The following ARHGAP15 variants were observed in gnomAD, a reference collection of about 807,000 sequenced individuals.
ARHGAP15 encodes Rho GTPase activating protein 15.
A neutral mutation model predicts 63.7 loss-of-function variants in ARHGAP15; 51 were observed. The ratio of observed to expected loss-of-function variants is 0.80; its 90% CI spans 0.64 to 1.01. The LOEUF is 1.01. ARHGAP15 is among the 50% of genes least tolerant of loss of function. The probability of loss-of-function intolerance (pLI) is 0.00; values close to 1 mark genes in which losing one functional copy is unlikely to be tolerated. For missense variants in ARHGAP15, 560 were observed against 564.6 expected (o/e 0.99, Z 0.08); for synonymous variants, 191 against 193.8 (o/e 0.99, Z 0.12).
intron 12 of ARHGAP15, among the ~76,000 whole-genome samples, chr2:143,661,895 C>G (rs1318487771): frequency 6.6e-6 from 1 of 152,262 alleles, no homozygotes; most frequent in Non-Finnish European, 1.5e-5. Context: ...GAGATTATAT[C>G]CCGCACCTGG....
chr2:143,153,812 CTTCTTCTTCTTCTTCTTCTTCTTCT>C (rs1689941796), intron 1 of ARHGAP15, among the ~76,000 whole-genome samples: 1 of 75,810 alleles, frequency 1.3e-5, no homozygotes, highest in East Asian at 4.7e-4. Context: ...TCTTCTTCTT[CTTCTTCTTCTTCTTCTTCTTCTTCT>C]TCTTCTTCCT....
chr2:143,200,058 T>C (rs1308363126), intron 2 of ARHGAP15, among the ~76,000 whole-genome samples: 1 of 152,068 alleles, frequency 6.6e-6, no homozygotes, highest in Non-Finnish European at 1.5e-5. Context: ...GAAAAATAGG[T>C]AAACAGCCAA....
intron 5 of ARHGAP15, chr2:143,247,447 G>A (rs576683150): frequency 2.6e-5 from 4 of 152,364 alleles, no homozygotes; most frequent in African/African-American, 9.6e-5. Flanking sequence ...TGCTGGCTCT[G>A]GGTCTCGTCT....
intron 6 of ARHGAP15, among the ~76,000 whole-genome samples, chr2:143,338,042 C>A (rs4622650): frequency 0.98 from 149,829 of 152,304 alleles, 73,755 homozygotes; most frequent in Middle Eastern, 1. Flanking sequence ...CTTACTGAGC[C>A]CTTAAGATAT....
chr2:143,303,752 A>G (rs1683029156), intron 6 of ARHGAP15, among the ~76,000 whole-genome samples: 1 of 152,138 alleles, frequency 6.6e-6, no homozygotes, highest in African/African-American at 2.4e-5. Flanking sequence ...AAAGAACTCA[A>G]ACAAATTTAC....
intron 6 of ARHGAP15, among the ~76,000 whole-genome samples, chr2:143,263,841 G>A (rs1207503724): frequency 6.8e-6 from 1 of 147,248 alleles, no homozygotes; most frequent in Non-Finnish European, 1.5e-5. Flanking sequence ...TCTCTGTCCT[G>A]TGGGAGGATT....
chr2:143,286,019 AAAG>A (rs748929940), intron 6 of ARHGAP15, among the ~76,000 whole-genome samples: 21 of 152,246 alleles, frequency 1.4e-4, no homozygotes, highest in Non-Finnish European at 2.6e-4. Context: ...CAAAATTATG[AAAG>A]AAGAAAATGT....
intron 13 of ARHGAP15, among the ~76,000 whole-genome samples, chr2:143,734,335 C>T (rs546707254): frequency 1.3e-5 from 2 of 152,230 alleles, no homozygotes; most frequent in African/African-American, 4.8e-5. Flanking sequence ...TTCCTGTGTC[C>T]TGTTGGTCTG....
chr2:143,352,120 T>A (rs1480602056), intron 6 of ARHGAP15, among the ~76,000 whole-genome samples: 2 of 152,200 alleles, frequency 1.3e-5, no homozygotes, highest in East Asian at 3.8e-4. Flanking sequence ...TACATTGTAT[T>A]GCAGTATTTT....
chr2:143,288,508 C>G (rs1194100423), intron 6 of ARHGAP15, among the ~76,000 whole-genome samples: 1 of 151,952 alleles, frequency 6.6e-6, no homozygotes, highest in Non-Finnish European at 1.5e-5. Flanking sequence ...TCTGAATAAC[C>G]TAAGGGCTAT....
At chr2:143,300,497 G>C (rs1465496153) in intron 6 of ARHGAP15, among the ~76,000 whole-genome samples, 1 of 152,080 alleles carries the variant, frequency 6.6e-6, no homozygotes, top group East Asian at 1.9e-4. Context: ...CAGAAATGTA[G>C]AATTGCTTAA....
chr2:143,385,705 C>CT (rs961512828), intron 6 of ARHGAP15, among the ~76,000 whole-genome samples: 9 of 152,120 alleles, frequency 5.9e-5, no homozygotes, highest in African/African-American at 2.2e-4. Flanking sequence ...AGTAGGATGG[C>CT]TTTGAAGTAC....
rs140149728 is a variant in ARHGAP15 at position 143,164,055 on chromosome 2, G to A, written c.165+8400G>A. On this transcript the variant is annotated intron_variant, in intron 2 of 13. Transcript: ENST00000295095. ...TTGTCTGCTAATACACTTCCCCAGA[G>A]TTTTATTTTTTGTTTCATTCTTTTT... Among the ~76,000 whole-genome samples, 4 of 152,110 alleles carry A rather than the reference G, an allele frequency of 2.6e-5. No individual in the cohort carries two copies. The East Asian group carries it at 7.8e-4, about 30-fold the overall frequency.
chr2:143,618,688 A>G (rs1308410900), intron 11 of ARHGAP15, among the ~76,000 whole-genome samples: 1 of 152,234 alleles, frequency 6.6e-6, no homozygotes, highest in African/African-American at 2.4e-5. Flanking sequence ...TCTATTCTGG[A>G]TAGTCCAAGT....
At chr2:143,197,495 T>C (rs1212812003) in intron 2 of ARHGAP15, among the ~76,000 whole-genome samples, 1 of 152,022 alleles carries the variant, frequency 6.6e-6, no homozygotes, top group Admixed American at 6.6e-5. Flanking sequence ...CCAAGTTTTC[T>C]TTATAATTAT....
chr2:143,710,667 G>A (rs569625763), intron 13 of ARHGAP15, among the ~76,000 whole-genome samples: 1 of 152,252 alleles, frequency 6.6e-6, no homozygotes, highest in South Asian at 2.1e-4. Context: ...TGTCTCTATT[G>A]TTAAGTGATG....
intron 13 of ARHGAP15, among the ~76,000 whole-genome samples, chr2:143,757,406 G>A (rs1483484991): frequency 6.6e-6 from 1 of 152,140 alleles, no homozygotes; most frequent in Non-Finnish European, 1.5e-5. Context: ...AGCTACTTGG[G>A]AGGCTGAGGC....
At chr2:143,525,214 G>A (rs991950323) in intron 10 of ARHGAP15, among the ~76,000 whole-genome samples, 14 of 152,156 alleles carry the variant, frequency 9.2e-5, no homozygotes, top group African/African-American at 2.9e-4. Context: ...TGTGCAATTT[G>A]TACTGTTAAG....
At chr2:143,207,400 C>T (rs542602285) in intron 3 of ARHGAP15, among the ~76,000 whole-genome samples, 8 of 151,810 alleles carry the variant, frequency 5.3e-5, no homozygotes, top group Admixed American at 1.3e-4. Context: ...TTTTACCTTG[C>T]AATTTATCTC....
Sources: allele counts gnomAD v4.1 joint callset (sites outside exome capture counted in the v4.1 genomes callset), GRCh38; gene constraint gnomAD v4.1.1; transcripts MANE v1.5; gene names NCBI Gene and HGNC (gene_info 2026-07-23, HGNC 2026-07-21).